Variants in MLLT3 observed in about 807,000 individuals in gnomAD.
The protein encoded by MLLT3 is protein AF-9.
In MLLT3, 4 loss-of-function variants were observed where a neutral mutation model predicts 53.2. That is an observed-to-expected ratio of 0.08 (90% CI 0.04 to 0.17). The LOEUF is 0.17. MLLT3 is among the 10% of genes least tolerant of loss of function. MLLT3 has a pLI of 1.00. For missense variants in MLLT3, 569 were observed against 684.0 expected, an observed-to-expected ratio of 0.83 and a Z score of 1.87; for synonymous variants, 283 against 230.6, an observed-to-expected ratio of 1.23 and a Z score of -2.06.
rs535479834 is a variant in MLLT3 at position 20,525,353 on chromosome 9, G to A, written c.194-68567C>T. 3.0e-4 allele frequency among the ~76,000 whole-genome samples: 45 copies of A among 152,064 alleles called. No individual in the cohort carries two copies. The South Asian group carries it at 3.9e-3, about 13-fold the overall frequency. On this transcript the variant is annotated intron_variant, in intron 2 of 10. Transcript: ENST00000380338. ...CTGTACTAAAAGTACAAAAATTACCGAGTGTGGTGGCGTGCACATGTAATC... is the reference window on the plus strand; with the variant it reads ...CTGTACTAAAAGTACAAAAATTACCAAGTGTGGTGGCGTGCACATGTAATC...
At chr9:20,595,534 G>GA (rs1297811744) in intron 2 of MLLT3, among the ~76,000 whole-genome samples, 1 of 151,660 alleles carries the variant, frequency 6.6e-6, no homozygotes, top group African/African-American at 2.4e-5. Flanking sequence ...CCATAAACAG[G>GA]AAAAATAGAA....
chr9:20,502,522 T>G (rs746112506), intron 2 of MLLT3, among the ~76,000 whole-genome samples: 2 of 152,148 alleles, frequency 1.3e-5, no homozygotes, highest in Non-Finnish European at 2.9e-5. Context: ...GATTGAAATA[T>G]TAGGAGAAAA....
At chr9:20,432,858 T>C (rs755490784) in intron 4 of MLLT3, among the ~76,000 whole-genome samples, 17 of 152,140 alleles carry the variant, frequency 1.1e-4, no homozygotes, top group Non-Finnish European at 7.4e-5. Flanking sequence ...TAAATTTTGA[T>C]TCACTGTTGT....
rs529443942 is a variant in MLLT3 at position 20,589,673 on chromosome 9, A to G, written c.193+30981T>C. Reference sequence around the variant, plus strand: ...TTTGTATTTCTTGAAAGTTTCTTCTATGATGGCAATAGTATCCCAGCCCAT... The same window carrying G: ...TTTGTATTTCTTGAAAGTTTCTTCTGTGATGGCAATAGTATCCCAGCCCAT... On this transcript the variant is annotated intron_variant, in intron 2 of 10. Coordinates refer to ENST00000380338, the MANE Select transcript of MLLT3 (RefSeq NM_004529.4). Among the ~76,000 whole-genome samples the G allele has an allele frequency of 1.3e-4, 19 of 147,350 alleles. No homozygotes were observed. The South Asian group carries it at 4.0e-3, about 31-fold the overall frequency.
intron 2 of MLLT3, among the ~76,000 whole-genome samples, chr9:20,534,373 A>G (rs1818423875): frequency 1.3e-5 from 2 of 152,240 alleles, no homozygotes; most frequent in South Asian, 2.1e-4. Flanking sequence ...TAGTGATCCT[A>G]TGGCCCTATT....
At chr9:20,553,880 T>TG (rs1423588147) in intron 2 of MLLT3, among the ~76,000 whole-genome samples, 1 of 152,006 alleles carries the variant, frequency 6.6e-6, no homozygotes, top group African/African-American at 2.4e-5. Context: ...ACAACCCTCC[T>TG]GGCAAAAGAA....
chr9:20,615,318 A>G (rs1449728818), intron 2 of MLLT3, among the ~76,000 whole-genome samples: 1 of 141,682 alleles, frequency 7.1e-6, no homozygotes, highest in Non-Finnish European at 1.5e-5. Flanking sequence ...AGCTGAAATC[A>G]CGCAATTACA....
At chr9:20,539,140 T>C (rs1270986342) in intron 2 of MLLT3, among the ~76,000 whole-genome samples, 2 of 152,280 alleles carry the variant, frequency 1.3e-5, no homozygotes, top group Non-Finnish European at 2.9e-5. Flanking sequence ...ACAATGAAGT[T>C]TGCTACATGG....
intron 5 of MLLT3, among the ~76,000 whole-genome samples, chr9:20,392,260 T>C (rs973057126): frequency 1.3e-5 from 2 of 152,186 alleles, no homozygotes; most frequent in Non-Finnish European, 2.9e-5. Flanking sequence ...GTAAGAACCT[T>C]CAGGGTCCAG....
intron 5 of MLLT3, among the ~76,000 whole-genome samples, chr9:20,367,165 C>T (rs926116524): frequency 3.9e-5 from 6 of 151,952 alleles, no homozygotes; most frequent in Non-Finnish European, 5.9e-5. Flanking sequence ...CATACACACA[C>T]CCCAATCTCT....
intron 2 of MLLT3, among the ~76,000 whole-genome samples, chr9:20,524,238 A>T (rs1458460206): frequency 6.6e-6 from 1 of 151,790 alleles, no homozygotes; most frequent in African/African-American, 2.4e-5. Flanking sequence ...TTACATAGGA[A>T]ATCTCTGTAC....
chr9:20,448,353 T>C lies in MLLT3; in HGVS notation c.277-87A>G, dbSNP rs1823757496. The stretch of plus-strand genomic sequence containing the variant: ...GCAAAAATTTACTCCTCATAAGAAA[T>C]AGAAAAGAACTAAGACATCTAACAG... On this transcript the variant is annotated intron_variant, in intron 3 of 10. Transcript: ENST00000380338. This position sits in a 1 kb window ranked among gnomAD's most constrained non-coding sequence, Gnocchi z 4.0. The C allele has an allele frequency of 3.9e-6, 5 of 1,289,518 alleles. No individual in the cohort carries two copies. Among genetic ancestry groups the C allele is most frequent in the South Asian group, 1.4e-5 (1 of 71,248 alleles). The allele number at this position is 1,289,518 out of a possible 1,614,324, so 79.9% of individuals were successfully genotyped here.
chr9:20,435,982 C>G (rs1823391826), intron 4 of MLLT3, among the ~76,000 whole-genome samples: 2 of 152,116 alleles, frequency 1.3e-5, no homozygotes, highest in South Asian at 4.1e-4. Flanking sequence ...GTAGCAAAGT[C>G]AGCCACGGTA....
intron 10 of MLLT3, among the ~76,000 whole-genome samples, chr9:20,352,996 TCTACAAGTATTCCA>T (rs1311668032): frequency 6.6e-6 from 1 of 152,102 alleles, no homozygotes; most frequent in Non-Finnish European, 1.5e-5. Context: ...GTTTCCCCAC[TCTACAAGTATTCCA>T]CTACAAGTAT....
chr9:20,610,624 T>C (rs1047577717), intron 2 of MLLT3, among the ~76,000 whole-genome samples: 14 of 152,250 alleles, frequency 9.2e-5, no homozygotes, highest in African/African-American at 2.2e-4. Context: ...AGACATTACA[T>C]TGATGGAGCT....
chr9:20,599,765 A>G (rs2131195955), intron 2 of MLLT3, among the ~76,000 whole-genome samples: 1 of 152,302 alleles, frequency 6.6e-6, no homozygotes, highest in Middle Eastern at 3.4e-3. Flanking sequence ...GACAATAGGT[A>G]TATACTTGGA....
At position 20,621,279 on chromosome 9, in the gene MLLT3, C is replaced by A. The variant is rs1448191916; in HGVS notation, c.13-445G>T. Among the ~76,000 whole-genome samples, 1 of 152,176 alleles carries A rather than the reference C, an allele frequency of 6.6e-6. No homozygotes were observed. Among genetic ancestry groups the A allele is most frequent in the Non-Finnish European group, 1.5e-5 (1 of 68,030 alleles). The stretch of plus-strand genomic sequence containing the variant: ...AGCCCCCTCCCCGAAAGTACCGCGG[C>A]GACAGGCACACGCCGAGGAAGTCTT... On this transcript the variant is annotated intron_variant, in intron 1 of 10. Coordinates refer to ENST00000380338, the MANE Select transcript of MLLT3 (RefSeq NM_004529.4). The surrounding 1 kb of genome is among the most constrained non-coding windows in gnomAD (Gnocchi z 7.0).
intron 4 of MLLT3, among the ~76,000 whole-genome samples, chr9:20,432,905 A>T (rs1055653121): frequency 1.3e-5 from 2 of 152,100 alleles, no homozygotes; most frequent in Admixed American, 6.6e-5. Flanking sequence ...TGACCCTAAA[A>T]GGCACATAAT....
At chr9:20,531,478 G>C (rs889739513) in intron 2 of MLLT3, among the ~76,000 whole-genome samples, 1 of 152,038 alleles carries the variant, frequency 6.6e-6, no homozygotes, top group Non-Finnish European at 1.5e-5. Context: ...TTTTTTAAAA[G>C]CACCACTTGC....
Sources: gnomAD v4.1 joint callset for allele counts (sites outside exome capture counted in the v4.1 genomes callset) on GRCh38, gnomAD v4.1.1 for gene constraint, Gnocchi (gnomAD v3.1) non-coding constraint, MANE v1.5 for transcripts, NCBI Gene and HGNC (gene_info 2026-07-23, HGNC 2026-07-21) for gene names.